ADAP2: variants seen among roughly 807,000 people sequenced by gnomAD.
ADAP2 encodes arf-GAP with dual PH domain-containing protein 2.
In ADAP2, 42 loss-of-function variants were observed where a neutral mutation model predicts 54.9. The ratio of observed to expected loss-of-function variants is 0.77; its 90% CI spans 0.60 to 0.99. The LOEUF is 0.99. Ranked by LOEUF, ADAP2 falls within the 50% of genes least tolerant of loss-of-function variation. The pLI is 0.00. For synonymous variants in ADAP2, 177 were observed against 180.1 expected, an observed-to-expected ratio of 0.98 and a Z score of 0.14; for missense variants, 429 against 480.4, an observed-to-expected ratio of 0.89 and a Z score of 1.00.
chr17:30,953,879 A>AT (rs56829330), intron 8 of ADAP2, among the ~76,000 whole-genome samples: 211 of 146,432 alleles, frequency 1.4e-3, no homozygotes, highest in Middle Eastern at 3.4e-3. Flanking sequence ...TATTTTTGCG[A>AT]TTTTTTTTTT....
At chr17:30,941,409 C>T (rs1006575484) in intron 5 of ADAP2, among the ~76,000 whole-genome samples, 4 of 152,140 alleles carry the variant, frequency 2.6e-5, no homozygotes, top group East Asian at 1.9e-4. Context: ...GATTTGTCCC[C>T]GTAAACTTTT....
At chr17:30,949,420 T>G in intron 7 of ADAP2, 50 bp downstream of exon 7, 1 of 1,537,518 alleles carries the variant, frequency 6.5e-7, no homozygotes, top group Non-Finnish European at 9.0e-7. Context: ...GGCCATCTCC[T>G]TCTTTCCCTG....
chr17:30,955,052 A>G (rs1407093605), intron 9 of ADAP2, among the ~76,000 whole-genome samples: 1 of 152,096 alleles, frequency 6.6e-6, no homozygotes, highest in African/African-American at 2.4e-5. Context: ...TACTATATAT[A>G]AAGCATTGTA....
intron 3 of ADAP2, among the ~76,000 whole-genome samples, chr17:30,927,361 C>T (rs1195748798): frequency 6.6e-6 from 1 of 152,048 alleles, no homozygotes; most frequent in Non-Finnish European, 1.5e-5. Flanking sequence ...GGCCTGTAAT[C>T]CCAGCACTTT....
chr17:30,932,016 T>C (rs752945596), intron 4 of ADAP2, 48 bp downstream of exon 4: 1 of 1,518,808 alleles, frequency 6.6e-7, no homozygotes, highest in South Asian at 1.1e-5. Flanking sequence ...TAATGAGCTC[T>C]AGAAAAACCA....
intron 5 of ADAP2, among the ~76,000 whole-genome samples, chr17:30,940,177 G>A (rs1406423311): frequency 6.6e-6 from 1 of 151,824 alleles, no homozygotes; most frequent in Non-Finnish European, 1.5e-5. Flanking sequence ...TGCCCAGGTT[G>A]GTCTTGAACT....
chr17:30,925,616 G>GTTTGTTT, intron 2 of ADAP2, among the ~76,000 whole-genome samples: 1 of 142,180 alleles, frequency 7.0e-6, no homozygotes. Context: ...TTTTGAGACG[G>GTTTGTTT]AGTCTCACTC....
At chr17:30,931,399 A>G (rs999057987) in intron 3 of ADAP2, among the ~76,000 whole-genome samples, 1 of 152,234 alleles carries the variant, frequency 6.6e-6, no homozygotes, top group African/African-American at 2.4e-5. Flanking sequence ...GGAGCATGGG[A>G]CAACCCATAA....
At chr17:30,922,768 C>T (rs1465296902) in intron 1 of ADAP2, among the ~76,000 whole-genome samples, 172 bp from the exon 2 acceptor site, 1 of 152,244 alleles carries the variant, frequency 6.6e-6, no homozygotes, top group East Asian at 1.9e-4. Flanking sequence ...CCAGGATCTT[C>T]ACCCCGGTCG....
intron 5 of ADAP2, among the ~76,000 whole-genome samples, chr17:30,943,411 T>C (rs908126577): frequency 6.6e-6 from 1 of 151,600 alleles, no homozygotes; most frequent in Non-Finnish European, 1.5e-5. Context: ...AGAATTCTAC[T>C]GTAAAGACAC....
At position 30,921,974 on chromosome 17, in the gene ADAP2, C is replaced by T. The variant is rs748687969; in HGVS notation, c.-41C>T. The T allele has an allele frequency of 4.1e-6, 5 of 1,209,822 alleles. No homozygotes were observed. The highest frequency in any genetic ancestry group is 5.2e-6 in the Non-Finnish European group (5 of 970,116). The allele number at this position is 1,209,822 out of a possible 1,614,324, so 74.9% of individuals were successfully genotyped here. A position where few individuals can be genotyped will look rare whatever the true frequency, so the allele number is the denominator to read the frequency against. On this transcript the variant is annotated 5_prime_UTR_variant, in exon 1 of 11. It adds an upstream start codon to the 5' untranslated region. Transcript: ENST00000330889. Reference sequence around the variant, plus strand: ...CTCTCCACCTGCCGGGCGGAGCGCACGGGCCATGGGCTGAGCCCCGCTGAG... The same window carrying T: ...CTCTCCACCTGCCGGGCGGAGCGCATGGGCCATGGGCTGAGCCCCGCTGAG...
Position 30,956,465 on chromosome 17 carries a change from G to A in ADAP2, c.1107G>A (p.Arg369=), listed in dbSNP as rs2142607678. ...VLSSPLTPLN[R]LTASTESGRS... ...CCAGCCCCTTGACGCCCCTCAACCG[G>A]CTTAGTAAGAAGCAGGAACTGAGGG... Residue 369 remains arginine, a synonymous_variant, in exon 10 of 11, where the codon CGG becomes CGA. Coordinates refer to ENST00000330889, the MANE Select transcript of ADAP2 (RefSeq NM_018404.3). 2 of 1,614,094 alleles carry A rather than the reference G, an allele frequency of 1.2e-6. No homozygotes were observed. Among genetic ancestry groups the A allele is most frequent in the Non-Finnish European group, 1.7e-6 (2 of 1,179,972 alleles).
At chr17:30,930,691 C>T (rs1911407697) in intron 3 of ADAP2, among the ~76,000 whole-genome samples, 2 of 152,182 alleles carry the variant, frequency 1.3e-5, no homozygotes, top group Non-Finnish European at 2.9e-5. Context: ...TCTGAATGAC[C>T]AGGTTGGGCC....
intron 8 of ADAP2, 49 bp from the exon 9 acceptor site, chr17:30,954,429 C>G (rs199913340): frequency 6.4e-7 from 1 of 1,571,098 alleles, no homozygotes; most frequent in East Asian, 2.2e-5. Context: ...GACCTCTATC[C>G]TCAGAAACTG....
intron 9 of ADAP2, 113 bp from the exon 10 acceptor site, chr17:30,956,128 C>T: frequency 1.2e-6 from 1 of 831,062 alleles, no homozygotes; most frequent in Non-Finnish European, 1.9e-6. Context: ...TAGCAGAAAT[C>T]CCAGCAGGGA....
chr17:30,927,012 C>T, intron 3 of ADAP2, 94 bp downstream of exon 3: 4 of 975,134 alleles, frequency 4.1e-6, no homozygotes, highest in Non-Finnish European at 6.4e-6. Context: ...CTGTGGTGGT[C>T]TCTTCTATGG....
At chr17:30,923,496 C>T (rs1444889462) in intron 2 of ADAP2, among the ~76,000 whole-genome samples, 1 of 151,474 alleles carries the variant, frequency 6.6e-6, no homozygotes, top group Admixed American at 6.6e-5. Flanking sequence ...AACTCCTGAC[C>T]TCAGGCGATC....
Position 30,946,071 on chromosome 17 carries a change from C to G in ADAP2, c.657+1018C>G, listed in dbSNP as rs939262515. 3.2e-4 allele frequency among the ~76,000 whole-genome samples: 49 copies of G among 151,220 alleles called. 1 individual carries two copies. The highest frequency in any genetic ancestry group is 5.9e-5 in the Non-Finnish European group (4 of 67,840). On this transcript the variant is annotated intron_variant, in intron 6 of 10. Coordinates refer to ENST00000330889, the MANE Select transcript of ADAP2 (RefSeq NM_018404.3). ...TCAGGAGGCGGAGGCAGGAGAATGG[C>G]GTGAACCCAGGAGGCAGAGCTTGCA...
chr17:30,954,124 AG>A (rs1220775088), intron 8 of ADAP2: 53 of 192,746 alleles, frequency 2.7e-4, no homozygotes, highest in African/African-American at 1.1e-3. Context: ...AATTTGGCCA[AG>A]GCCAGCACTT....
Sources: allele counts gnomAD v4.1 joint callset (sites outside exome capture counted in the v4.1 genomes callset), GRCh38; gene constraint gnomAD v4.1.1; transcripts MANE v1.5; gene names NCBI Gene and HGNC (gene_info 2026-07-23, HGNC 2026-07-21).